Variants in LPAR1 observed in about 807,000 individuals in gnomAD.
The protein encoded by LPAR1 is LPA receptor 1.
Under a neutral mutation model 23.8 loss-of-function variants are expected in LPAR1, and 5 were observed. That is an observed-to-expected ratio of 0.21 (90% CI 0.11 to 0.44). The LOEUF (loss-of-function observed/expected upper bound fraction) is 0.44, where lower values mean the gene tolerates loss of function less well. Ranked by LOEUF, LPAR1 falls within the 20% of genes least tolerant of loss-of-function variation. The pLI, the probability that LPAR1 is intolerant of heterozygous loss-of-function variation, is 0.99. For missense variants in LPAR1, 311 were observed against 482.8 expected, an observed-to-expected ratio of 0.64 and a Z score of 3.33; for synonymous variants, 160 against 164.7, an observed-to-expected ratio of 0.97 and a Z score of 0.22.
At chr9:110,977,911 A>G (rs111891842) in intron 2 of LPAR1, among the ~76,000 whole-genome samples, 28 of 140,686 alleles carry the variant, frequency 2.0e-4, no homozygotes, top group Admixed American at 5.9e-4. Context: ...AAGGAAGGAA[A>G]GAAGGAAAGA....
At chr9:110,944,680 T>C (rs2095308908) in intron 4 of LPAR1, among the ~76,000 whole-genome samples, 1 of 152,114 alleles carries the variant, frequency 6.6e-6, no homozygotes, top group Non-Finnish European at 1.5e-5. Flanking sequence ...GAAGTATAAA[T>C]TATCTCTTTA....
At chr9:110,972,027 A>G (rs772182904) in intron 4 of LPAR1, 46 bp downstream of exon 4, 4 of 1,540,588 alleles carry the variant, frequency 2.6e-6, no homozygotes, top group Non-Finnish European at 3.6e-6. Flanking sequence ...TAAATATTTG[A>G]CAAACTTACG....
rs2138005269 is a variant in LPAR1, at chr9:110,969,311, A to G, written c.45+2762T>C. ...TAAAAATACACAGTCTTGTTTTAGA[A>G]TTTTAATGGTATCTTCCCATAAGTA... On this transcript the variant is annotated intron_variant, in intron 4 of 5. Coordinates refer to ENST00000683809, the MANE Select transcript of LPAR1 (RefSeq NM_001351411.2). Among the ~76,000 whole-genome samples, 6 of 152,282 alleles carry G rather than the reference A, an allele frequency of 3.9e-5. No homozygotes were observed. In the South Asian group the frequency reaches 1.2e-3, roughly 32 times the overall value.
At chr9:110,899,679 T>C (rs538954282) in intron 5 of LPAR1, among the ~76,000 whole-genome samples, 1 of 152,196 alleles carries the variant, frequency 6.6e-6, no homozygotes, top group Non-Finnish European at 1.5e-5. Context: ...AGGTCTGGAG[T>C]GGGACCTGAG....
intron 5 of LPAR1, among the ~76,000 whole-genome samples, chr9:110,938,728 G>C (rs2094894947): frequency 6.6e-6 from 1 of 151,574 alleles, no homozygotes; most frequent in Non-Finnish European, 1.5e-5. Context: ...AATCTGGGTA[G>C]CTGGGTGTGG....
intron 5 of LPAR1, among the ~76,000 whole-genome samples, chr9:110,924,238 C>CAAAAAAA (rs10695949): frequency 6.9e-6 from 1 of 144,036 alleles, no homozygotes. Context: ...ATTATAATAG[C>CAAAAAAA]AAAAAAAAAA....
At chr9:111,002,090 T>C (rs1224448757) in intron 2 of LPAR1, among the ~76,000 whole-genome samples, 1 of 152,156 alleles carries the variant, frequency 6.6e-6, no homozygotes, top group Non-Finnish European at 1.5e-5. Flanking sequence ...AATTAAATAT[T>C]TTACCTGGAA....
chr9:110,943,846 C>A lies in LPAR1; in HGVS notation c.46-1678G>T, dbSNP rs55978091. Among the ~76,000 whole-genome samples the A allele has an allele frequency of 7.0e-3, 920 of 131,526 alleles. 13 individuals are homozygous for A. Among genetic ancestry groups the A allele is most frequent in the African/African-American group, 0.025 (854 of 34,478 alleles). The allele number at this position is 131,526 out of a possible 152,430, so 86.3% of individuals were successfully genotyped here. A position where few individuals can be genotyped will look rare whatever the true frequency, so the allele number is the denominator to read the frequency against. Reference sequence around the variant, plus strand: ...CTGCACTCCAGCCTGAGTAACAAAGCAAGACCCCAACTCCATCTCAAAAAA... The same window carrying A: ...CTGCACTCCAGCCTGAGTAACAAAGAAAGACCCCAACTCCATCTCAAAAAA... On this transcript the variant is annotated intron_variant, in intron 4 of 5. Transcript: ENST00000683809.
At chr9:110,962,669 T>G (rs1174257232) in intron 4 of LPAR1, among the ~76,000 whole-genome samples, 1 of 152,162 alleles carries the variant, frequency 6.6e-6, no homozygotes, top group East Asian at 1.9e-4. Context: ...AAACATATTC[T>G]CTGATGCTGA....
At chr9:110,933,936 G>A (rs1372683022) in intron 5 of LPAR1, among the ~76,000 whole-genome samples, 1 of 152,216 alleles carries the variant, frequency 6.6e-6, no homozygotes, top group Non-Finnish European at 1.5e-5. Flanking sequence ...GGTATAAAGA[G>A]CTGGTGTTTG....
chr9:110,960,411 T>C (rs1483719465), intron 4 of LPAR1, among the ~76,000 whole-genome samples: 1 of 152,166 alleles, frequency 6.6e-6, no homozygotes, highest in Non-Finnish European at 1.5e-5. Context: ...CACAAGCACA[T>C]GCAGAGAGAC....
At chr9:110,965,780 C>G (rs796686059) in intron 4 of LPAR1, among the ~76,000 whole-genome samples, 31 of 152,246 alleles carry the variant, frequency 2.0e-4, no homozygotes, top group African/African-American at 7.2e-4. Context: ...GGGTATATAC[C>G]CGAAGGATTA....
chr9:110,964,916 T>G (rs752175333), intron 4 of LPAR1, among the ~76,000 whole-genome samples: 2 of 131,904 alleles, frequency 1.5e-5, no homozygotes, highest in Non-Finnish European at 3.1e-5. Flanking sequence ...TAGGCTGGAG[T>G]GCAGTAGTGC....
chr9:110,928,729 C>T (rs1048000704), intron 5 of LPAR1, among the ~76,000 whole-genome samples: 3 of 152,088 alleles, frequency 2.0e-5, no homozygotes, highest in African/African-American at 7.2e-5. Context: ...CAGACTGGAC[C>T]AATATACAAA....
At chr9:110,964,853 CTTTTTTTT>C (rs35426082) in intron 4 of LPAR1, among the ~76,000 whole-genome samples, 3 of 67,072 alleles carry the variant, frequency 4.5e-5, no homozygotes, top group Admixed American at 4.6e-4. Flanking sequence ...ACACCAATCA[CTTTTTTTT>C]TTTTTTTTTT....
intron 5 of LPAR1, among the ~76,000 whole-genome samples, chr9:110,886,483 C>T (rs1471529290): frequency 2.7e-5 from 4 of 147,468 alleles, no homozygotes; most frequent in Non-Finnish European, 6.0e-5. Context: ...TAAGCCCTTA[C>T]AATTTTCAAG....
At chr9:110,981,483 T>A (rs2096665307) in intron 2 of LPAR1, among the ~76,000 whole-genome samples, 1 of 151,974 alleles carries the variant, frequency 6.6e-6, no homozygotes, top group South Asian at 2.1e-4. Flanking sequence ...GTGAACAATA[T>A]AGTGAACATG....
intron 2 of LPAR1, among the ~76,000 whole-genome samples, chr9:111,013,035 A>G (rs2097364562): frequency 6.6e-6 from 1 of 152,172 alleles, no homozygotes; most frequent in Non-Finnish European, 1.5e-5. Flanking sequence ...CAAACTCGTC[A>G]TGAAAATCGC....
At chr9:110,987,551 T>A (rs1488820946) in intron 2 of LPAR1, among the ~76,000 whole-genome samples, 2 of 151,632 alleles carry the variant, frequency 1.3e-5, no homozygotes, top group Non-Finnish European at 2.9e-5. Flanking sequence ...TGGCTCTACA[T>A]GAATTAAACT....
Sources: gnomAD v4.1 joint callset for allele counts (sites outside exome capture counted in the v4.1 genomes callset) on GRCh38, gnomAD v4.1.1 for gene constraint, MANE v1.5 for transcripts, NCBI Gene and HGNC (gene_info 2026-07-23, HGNC 2026-07-21) for gene names.